SYN3: variants seen among roughly 807,000 people sequenced by gnomAD.
SYN3 encodes the protein synapsin-3.
A neutral mutation model predicts 65.8 loss-of-function variants in SYN3; 35 were observed. The ratio of observed to expected loss-of-function variants is 0.53; its 90% CI spans 0.41 to 0.70. The LOEUF (loss-of-function observed/expected upper bound fraction) is 0.70. Ranked by LOEUF, SYN3 falls within the 30% of genes least tolerant of loss-of-function variation. The pLI, the probability that SYN3 is intolerant of heterozygous loss-of-function variation, is 0.00. For missense variants in SYN3, 680 were observed against 749.0 expected, an observed-to-expected ratio of 0.91 and a Z score of 1.08; for synonymous variants, 270 against 292.9, an observed-to-expected ratio of 0.92 and a Z score of 0.80.
chr22:32,982,374 T>C (rs1266559106), intron 2 of SYN3, among the ~76,000 whole-genome samples: 3 of 152,146 alleles, frequency 2.0e-5, no homozygotes, highest in African/African-American at 7.2e-5. Flanking sequence ...GACTTCCTTC[T>C]ACATCCCTGC....
chr22:33,027,621 AAGACAGAC>A (rs1044280149), intron 1 of SYN3, among the ~76,000 whole-genome samples: 127 of 119,230 alleles, frequency 1.1e-3, no homozygotes, highest in African/African-American at 4.1e-3. Context: ...GAAAGAAGGA[AAGACAGAC>A]AGACAGACAG....
chr22:32,868,878 C>T (rs1323911251), intron 5 of SYN3, 88 bp downstream of exon 5: 3 of 1,319,292 alleles, frequency 2.3e-6, no homozygotes, highest in Non-Finnish European at 3.1e-6. Context: ...CTACTGAGGC[C>T]TCCATGCTGG....
chr22:32,712,160 G>T (rs1041959514), intron 6 of SYN3, among the ~76,000 whole-genome samples: 1 of 152,124 alleles, frequency 6.6e-6, no homozygotes, highest in African/African-American at 2.4e-5. Context: ...TCTTTCCCCT[G>T]CCACTTGTGC....
chr22:32,616,931 A>T (rs2059528679), intron 6 of SYN3, among the ~76,000 whole-genome samples: 1 of 152,092 alleles, frequency 6.6e-6, no homozygotes, highest in African/African-American at 2.4e-5. Flanking sequence ...GCCACAAAGG[A>T]CACAAGGCCC....
chr22:32,607,277 C>T (rs2059385755), intron 6 of SYN3, among the ~76,000 whole-genome samples: 1 of 152,176 alleles, frequency 6.6e-6, no homozygotes, highest in Non-Finnish European at 1.5e-5. Flanking sequence ...TCCTGAATGA[C>T]AGACCTGCCT....
At chr22:32,844,520 G>T (rs941330296) in intron 6 of SYN3, among the ~76,000 whole-genome samples, 1 of 152,188 alleles carries the variant, frequency 6.6e-6, no homozygotes, top group African/African-American at 2.4e-5. Context: ...AGCAAAGACA[G>T]TTCAATAGAG....
At chr22:32,738,073 T>A (rs1282329358) in intron 6 of SYN3, among the ~76,000 whole-genome samples, 1 of 152,192 alleles carries the variant, frequency 6.6e-6, no homozygotes, top group Non-Finnish European at 1.5e-5. Context: ...ACGGTCATCA[T>A]AACCACAGCT....
At chr22:32,678,798 T>C (rs1417316350) in intron 6 of SYN3, among the ~76,000 whole-genome samples, 1 of 152,136 alleles carries the variant, frequency 6.6e-6, no homozygotes, top group Non-Finnish European at 1.5e-5. Flanking sequence ...TCTTCCTTCA[T>C]ATTCTTTGCT....
intron 6 of SYN3, among the ~76,000 whole-genome samples, chr22:32,662,185 C>G (rs1442574235): frequency 6.6e-6 from 1 of 152,166 alleles, no homozygotes; most frequent in African/African-American, 2.4e-5. Flanking sequence ...TGCATCCACT[C>G]CTACCTCTGC....
chr22:32,577,119 G>A (rs2058862518), intron 7 of SYN3, among the ~76,000 whole-genome samples: 1 of 152,102 alleles, frequency 6.6e-6, no homozygotes, highest in Non-Finnish European at 1.5e-5. Context: ...ATTAGGCCCT[G>A]GGCAGAAGTG....
In SYN3 at chr22:32,863,978, G is replaced by A. The variant is rs2048617948; in HGVS notation, c.711+937C>T. On this transcript the variant is annotated intron_variant, in intron 6 of 13. Coordinates refer to ENST00000358763, the MANE Select transcript of SYN3 (RefSeq NM_003490.4). Reference sequence around the variant, plus strand: ...GCATGTTCTGGATTCTGTGACTCTTGCCCGATCAGATACAGGGGAAAGATC... The same window carrying A: ...GCATGTTCTGGATTCTGTGACTCTTACCCGATCAGATACAGGGGAAAGATC... 1.3e-5 allele frequency among the ~76,000 whole-genome samples: 2 copies of A among 152,098 alleles called. 1 individual carries two copies. The highest frequency in any genetic ancestry group is 4.2e-4 in the South Asian group (2 of 4,810).
At chr22:32,612,240 A>G (rs2059455222) in intron 6 of SYN3, among the ~76,000 whole-genome samples, 1 of 152,222 alleles carries the variant, frequency 6.6e-6, no homozygotes, top group African/African-American at 2.4e-5. Context: ...ATCAAATATG[A>G]GCAGGGACTT....
chr22:32,865,785 C>T (rs2048673606), intron 5 of SYN3, among the ~76,000 whole-genome samples: 1 of 152,050 alleles, frequency 6.6e-6, no homozygotes, highest in Non-Finnish European at 1.5e-5. Flanking sequence ...GGGGGCAAGG[C>T]CTGAAGGAAG....
chr22:32,591,443 T>G (rs916640349), intron 7 of SYN3, among the ~76,000 whole-genome samples: 1 of 152,218 alleles, frequency 6.6e-6, no homozygotes, highest in African/African-American at 2.4e-5. Flanking sequence ...CTACTTACTT[T>G]TCCGTTCTTG....
At chr22:32,880,643 C>T (rs2049105699) in intron 4 of SYN3, among the ~76,000 whole-genome samples, 2 of 152,116 alleles carry the variant, frequency 1.3e-5, no homozygotes, top group Non-Finnish European at 2.9e-5. Flanking sequence ...CACCTGGAGC[C>T]GCTGGGGGCA....
intron 6 of SYN3, among the ~76,000 whole-genome samples, chr22:32,827,759 T>A (rs2047455135): frequency 6.6e-6 from 1 of 152,156 alleles, no homozygotes; most frequent in Non-Finnish European, 1.5e-5. Flanking sequence ...GGCCTCTGTC[T>A]CCCTTGGCCT....
At chr22:32,589,449 C>T (rs1391648615) in intron 7 of SYN3, among the ~76,000 whole-genome samples, 1 of 152,206 alleles carries the variant, frequency 6.6e-6, no homozygotes, top group East Asian at 1.9e-4. Flanking sequence ...GTCACATCCA[C>T]ACATAAACAC....
At chr22:32,643,786 A>T (rs1896818497) in intron 6 of SYN3, among the ~76,000 whole-genome samples, 1 of 151,878 alleles carries the variant, frequency 6.6e-6, no homozygotes, top group African/African-American at 2.4e-5. Context: ...TACTGAGAGG[A>T]TGTGCTTAAA....
chr22:32,658,712 A>G (rs1432750468), intron 6 of SYN3, among the ~76,000 whole-genome samples: 2 of 152,246 alleles, frequency 1.3e-5, no homozygotes, highest in African/African-American at 4.8e-5. Context: ...GGATGTGTAC[A>G]AAGATGAGGG....
Sources: gnomAD v4.1 joint callset for allele counts (sites outside exome capture counted in the v4.1 genomes callset) on GRCh38, gnomAD v4.1.1 for gene constraint, MANE v1.5 for transcripts, NCBI Gene and HGNC (gene_info 2026-07-23, HGNC 2026-07-21) for gene names.